JARID2: variants seen among roughly 807,000 people sequenced by gnomAD.
JARID2 encodes jumonji and AT-rich interaction domain containing 2.
JARID2 carries 21 observed loss-of-function variants against 125.6 expected under a neutral mutation model. The observed-to-expected ratio is 0.17, with a 90% CI of 0.12 to 0.24. The LOEUF (loss-of-function observed/expected upper bound fraction) is 0.24. Ranked by LOEUF, JARID2 falls within the 10% of genes least tolerant of loss-of-function variation. The probability of loss-of-function intolerance (pLI) is 1.00; values close to 1 mark genes in which losing one functional copy is unlikely to be tolerated. For synonymous variants in JARID2, 736 were observed against 661.6 expected, an observed-to-expected ratio of 1.11 and a Z score of -1.73; for missense variants, 1,303 against 1,639.6, an observed-to-expected ratio of 0.79 and a Z score of 3.55.
intron 5 of JARID2, among the ~76,000 whole-genome samples, chr6:15,476,091 A>G (rs1400689608): frequency 6.6e-6 from 1 of 152,200 alleles, no homozygotes; most frequent in African/African-American, 2.4e-5. Flanking sequence ...GAAATCTAGC[A>G]ACATCTGTAT....
intron 1 of JARID2, among the ~76,000 whole-genome samples, chr6:15,327,036 G>A (rs1413756586): frequency 6.6e-6 from 1 of 152,182 alleles, no homozygotes; most frequent in Non-Finnish European, 1.5e-5. Flanking sequence ...CACAGCTTTT[G>A]AGAGTGAAGG....
chr6:15,401,796 T>C (rs1765446406), intron 2 of JARID2, among the ~76,000 whole-genome samples: 2 of 152,290 alleles, frequency 1.3e-5, no homozygotes, highest in South Asian at 4.2e-4. Flanking sequence ...CACATTCCTA[T>C]AGTGCTGCTT....
chr6:15,437,231 G>A (rs1767247064), intron 3 of JARID2, among the ~76,000 whole-genome samples: 1 of 152,174 alleles, frequency 6.6e-6, no homozygotes, highest in East Asian at 1.9e-4. Context: ...CCATGGTGTA[G>A]TCTAGGTCAT....
At position 15,508,060 on chromosome 6, in the gene JARID2, G is replaced by A. The variant is rs986721935; in HGVS notation, c.2732-280G>A. Among the ~76,000 whole-genome samples, 6 of 152,228 alleles carry A rather than the reference G, an allele frequency of 3.9e-5. No homozygotes were observed. In the South Asian group the frequency reaches 6.2e-4, roughly 16 times the overall value. ...GGCTTGGGGGCTTCGGCCCGTGGGC[G>A]GCCGGTTCCTCGGCATTCCTCACCA... On this transcript the variant is annotated intron_variant, in intron 11 of 17. Coordinates refer to ENST00000341776, the MANE Select transcript of JARID2 (RefSeq NM_004973.4).
intron 3 of JARID2, among the ~76,000 whole-genome samples, chr6:15,439,100 G>A (rs1280099344): frequency 6.6e-6 from 1 of 151,898 alleles, no homozygotes; most frequent in Non-Finnish European, 1.5e-5. Flanking sequence ...GGAGAATGAG[G>A]CAAACCCAGC....
chr6:15,246,287 A>G lies in JARID2; in HGVS notation c.-253A>G. On this transcript the variant is annotated 5_prime_UTR_variant, in exon 1 of 18. Transcript: ENST00000341776. ...GTATGTGTTTCGGGGGAAATTTTCC[A>G]TTATGAGTGTTTTACTAAAGTGAAT... 1 of 553,494 alleles carries G rather than the reference A, an allele frequency of 1.8e-6. No individual in the cohort carries two copies. Among genetic ancestry groups the G allele is most frequent in the Non-Finnish European group, 3.2e-6 (1 of 315,444 alleles). 34.3% of individuals were successfully genotyped at this position (553,494 alleles called of 1,614,324 possible).
At chr6:15,367,469 C>T (rs1438521857) in intron 1 of JARID2, among the ~76,000 whole-genome samples, 2 of 152,188 alleles carry the variant, frequency 1.3e-5, no homozygotes, top group Non-Finnish European at 2.9e-5. Context: ...CATGAAGCCT[C>T]TGCAAACCAA....
At chr6:15,372,698 TTTC>T (rs1207093676) in intron 1 of JARID2, among the ~76,000 whole-genome samples, 4 of 151,882 alleles carry the variant, frequency 2.6e-5, no homozygotes, top group African/African-American at 9.7e-5. Context: ...TATGCTTCCA[TTTC>T]TTATTTATTT....
chr6:15,272,857 T>G (rs1044800360), intron 1 of JARID2, among the ~76,000 whole-genome samples: 1 of 152,238 alleles, frequency 6.6e-6, no homozygotes, highest in Non-Finnish European at 1.5e-5. Context: ...TTTGTTGTTA[T>G]GATTTTGTTT....
chr6:15,510,162 G>T (rs1177797062), intron 12 of JARID2, among the ~76,000 whole-genome samples: 1 of 152,038 alleles, frequency 6.6e-6, no homozygotes, highest in African/African-American at 2.4e-5. Context: ...TGAGCTGCTG[G>T]CCCACATCTT....
At chr6:15,488,159 C>T (rs367742367) in intron 6 of JARID2, among the ~76,000 whole-genome samples, 5 of 152,310 alleles carry the variant, frequency 3.3e-5, no homozygotes, top group African/African-American at 9.6e-5. Flanking sequence ...TCCCCCCACC[C>T]GCTATCCCCC....
intron 2 of JARID2, among the ~76,000 whole-genome samples, chr6:15,408,252 A>C (rs947048288): frequency 1.3e-5 from 2 of 152,210 alleles, no homozygotes; most frequent in Non-Finnish European, 2.9e-5. Context: ...ACCCTATCTC[A>C]AAAGCAAAAA....
intron 1 of JARID2, among the ~76,000 whole-genome samples, chr6:15,265,114 A>G (rs1760032112): frequency 6.6e-6 from 1 of 152,168 alleles, no homozygotes; most frequent in Non-Finnish European, 1.5e-5. Context: ...GGCTGTAGCT[A>G]TTATTGTTTA....
chr6:15,507,544 TAC>T, intron 11 of JARID2, 128 bp downstream of exon 11: 1 of 692,482 alleles, frequency 1.4e-6, no homozygotes, highest in Non-Finnish European at 2.5e-6. Flanking sequence ...TTACAGGACA[TAC>T]AGTGAAAATT....
At chr6:15,325,096 T>A (rs760099511) in intron 1 of JARID2, among the ~76,000 whole-genome samples, 3 of 152,220 alleles carry the variant, frequency 2.0e-5, no homozygotes, top group Non-Finnish European at 4.4e-5. Flanking sequence ...TTGATTTTTT[T>A]AACTTAATTT....
At chr6:15,516,514 G>A (rs905953673) in intron 16 of JARID2, among the ~76,000 whole-genome samples, 25 of 152,362 alleles carry the variant, frequency 1.6e-4, no homozygotes, top group African/African-American at 5.8e-4. Flanking sequence ...TTTGTGGACA[G>A]CCCGCCCAAG....
intron 1 of JARID2, among the ~76,000 whole-genome samples, chr6:15,254,265 G>C (rs1759568583): frequency 6.6e-6 from 1 of 152,152 alleles, no homozygotes; most frequent in Non-Finnish European, 1.5e-5. Context: ...CCACATTCTT[G>C]GGTGTATCTG....
intron 1 of JARID2, among the ~76,000 whole-genome samples, chr6:15,277,774 T>A (rs1581358157): frequency 8.5e-6 from 1 of 118,280 alleles, no homozygotes; most frequent in Admixed American, 8.8e-5. Context: ...GATAGCCAAG[T>A]CTGCAAAAAA....
intron 1 of JARID2, among the ~76,000 whole-genome samples, chr6:15,355,617 C>CT (rs201247568): frequency 0.01 from 1,448 of 144,114 alleles, 10 homozygotes; most frequent in African/African-American, 0.024. Context: ...CTTCCTCTTG[C>CT]TTTTTTTTTT....
Sources: gnomAD v4.1 joint callset for allele counts (sites outside exome capture counted in the v4.1 genomes callset) on GRCh38, gnomAD v4.1.1 for gene constraint, MANE v1.5 for transcripts, NCBI Gene and HGNC (gene_info 2026-07-23, HGNC 2026-07-21) for gene names.